The following AGBL4 variants were observed in gnomAD, a reference collection of about 807,000 sequenced individuals.
AGBL4 encodes the protein AGBL carboxypeptidase 4.
In AGBL4, 58 loss-of-function variants were observed where a neutral mutation model predicts 66.4. The ratio of observed to expected loss-of-function variants is 0.87; its 90% CI spans 0.71 to 1.09. AGBL4 has a LOEUF of 1.09. Ranked by LOEUF, AGBL4 falls within the 50% of genes least tolerant of loss-of-function variation. The probability of loss-of-function intolerance (pLI) is 0.00; values close to 1 mark genes in which losing one functional copy is unlikely to be tolerated. For synonymous variants in AGBL4, 234 were observed against 222.9 expected (o/e 1.05, Z -0.44); for missense variants, 579 against 631.0 (o/e 0.92, Z 0.88).
At chr1:48,527,790 C>CAGG in the AGBL4 span, among the ~76,000 whole-genome samples, 5 of 152,002 alleles carry the variant, frequency 3.3e-5, no homozygotes, top group Admixed American at 3.3e-4. Context: ...AGAGAACAAG[C>CAGG]AGGAATAACC....
intron 4 of AGBL4, among the ~76,000 whole-genome samples, chr1:49,194,738 T>C (rs189350389): frequency 6.6e-6 from 1 of 152,310 alleles, no homozygotes; most frequent in Admixed American, 6.5e-5. Flanking sequence ...CACAGTTTAC[T>C]TTTTTGTGGA....
intron 3 of AGBL4, among the ~76,000 whole-genome samples, chr1:49,680,413 G>T (rs1646670201): frequency 6.7e-6 from 1 of 148,170 alleles, no homozygotes; most frequent in Admixed American, 6.7e-5. Flanking sequence ...TTGCTGTATG[G>T]CAACAATTTT....
At chr1:49,958,622 C>A (rs1656841831) in intron 1 of AGBL4, among the ~76,000 whole-genome samples, 1 of 143,870 alleles carries the variant, frequency 7.0e-6, no homozygotes, top group Non-Finnish European at 1.5e-5. Flanking sequence ...CATGTTCTCA[C>A]TCATAGGTGG....
Position 49,365,421 on chromosome 1 carries a change from A to G in AGBL4, c.283-119557T>C, listed in dbSNP as rs565783066. Among the ~76,000 whole-genome samples the G allele has an allele frequency of 7.9e-5, 12 of 152,080 alleles. No homozygotes were observed. In the East Asian group the frequency reaches 2.1e-3, roughly 27 times the overall value. On this transcript the variant is annotated intron_variant, in intron 3 of 13. Transcript: ENST00000371839. Reference sequence around the variant, plus strand: ...TTATGGAGTCAATGAGAAAACGTCTATAAAGAACCCATTATAATACCTGGC... The same window carrying G: ...TTATGGAGTCAATGAGAAAACGTCTGTAAAGAACCCATTATAATACCTGGC...
intron 2 of AGBL4, among the ~76,000 whole-genome samples, chr1:49,703,144 T>G (rs1476173349): frequency 6.6e-6 from 1 of 151,926 alleles, no homozygotes; most frequent in Non-Finnish European, 1.5e-5. Context: ...ATAAAATTAT[T>G]TCTATTTGCA....
chr1:49,314,399 A>G (rs1165079880), intron 3 of AGBL4, among the ~76,000 whole-genome samples: 3 of 151,886 alleles, frequency 2.0e-5, no homozygotes, highest in Non-Finnish European at 2.9e-5. Context: ...ATCCCCCAAG[A>G]GGCCATGGTG....
At chr1:48,697,813 T>C (rs77882157) in intron 6 of AGBL4, among the ~76,000 whole-genome samples, 3,391 of 152,254 alleles carry the variant, frequency 0.022, 107 homozygotes, top group African/African-American at 0.075. Context: ...TTAAAGAAGT[T>C]TGGGCAAATG....
chr1:48,911,461 A>T (rs1185225532), intron 5 of AGBL4, among the ~76,000 whole-genome samples: 7 of 151,950 alleles, frequency 4.6e-5, no homozygotes, highest in Non-Finnish European at 8.8e-5. Flanking sequence ...ACTAAAAAAA[A>T]TACAAAAAAT....
intron 1 of AGBL4, chr1:49,866,051 G>C (rs1646692579): frequency 1.3e-5 from 3 of 223,904 alleles, no homozygotes; most frequent in South Asian, 1.2e-4. Flanking sequence ...AGGGAGACAA[G>C]ATTAGAGAAA....
At chr1:49,705,143 T>C (rs1647184311) in intron 2 of AGBL4, among the ~76,000 whole-genome samples, 1 of 152,166 alleles carries the variant, frequency 6.6e-6, no homozygotes, top group Admixed American at 6.6e-5. Context: ...GTCCTTCACA[T>C]CCCTTGTAAG....
chr1:48,766,939 CA>C (rs2148678066), intron 6 of AGBL4, among the ~76,000 whole-genome samples: 1 of 152,254 alleles, frequency 6.6e-6, no homozygotes, highest in Admixed American at 6.5e-5. Flanking sequence ...AGAACCCAAC[CA>C]AAATGCAAGG....
intron 5 of AGBL4, among the ~76,000 whole-genome samples, chr1:48,875,794 G>A (rs1316819259): frequency 1.3e-5 from 2 of 152,220 alleles, no homozygotes; most frequent in Non-Finnish European, 2.9e-5. Flanking sequence ...CTTCACAACA[G>A]CCGTTTGAGG....
intron 3 of AGBL4, among the ~76,000 whole-genome samples, chr1:49,339,625 G>A (rs1434497653): frequency 6.6e-6 from 1 of 152,208 alleles, no homozygotes; most frequent in African/African-American, 2.4e-5. Flanking sequence ...ATCATTTAGT[G>A]CTGATGTTTC....
intron 4 of AGBL4, among the ~76,000 whole-genome samples, chr1:49,073,517 G>C (rs1489343819): frequency 6.6e-6 from 1 of 152,152 alleles, no homozygotes; most frequent in Non-Finnish European, 1.5e-5. Flanking sequence ...CTCAGCTGCA[G>C]GTCTGTTGGA....
chr1:48,607,287 T>C (rs1645167876), intron 9 of AGBL4, among the ~76,000 whole-genome samples: 1 of 152,174 alleles, frequency 6.6e-6, no homozygotes, highest in Non-Finnish European at 1.5e-5. Flanking sequence ...GCCACTGTGA[T>C]AGACAACGCA....
intron 3 of AGBL4, among the ~76,000 whole-genome samples, chr1:49,573,312 T>G (rs1293598345): frequency 1.3e-5 from 2 of 151,992 alleles, no homozygotes; most frequent in African/African-American, 4.8e-5. Context: ...TTTCTGGAAT[T>G]GGCTGCTTAA....
intron 5 of AGBL4, among the ~76,000 whole-genome samples, chr1:48,932,633 C>T (rs1655123837): frequency 6.6e-6 from 1 of 152,156 alleles, no homozygotes; most frequent in African/African-American, 2.4e-5. Context: ...TGAAGCATCT[C>T]ATAAATTGTT....
At chr1:49,714,715 T>C (rs1378762823) in intron 2 of AGBL4, among the ~76,000 whole-genome samples, 1 of 151,772 alleles carries the variant, frequency 6.6e-6, no homozygotes, top group Non-Finnish European at 1.5e-5. Flanking sequence ...TTTGCTATTG[T>C]AAATAATGCT....
chr1:49,878,075 G>A lies in AGBL4; in HGVS notation c.35-26557C>T, dbSNP rs1442098288. Among the ~76,000 whole-genome samples, 78 of 149,644 alleles carry A rather than the reference G, an allele frequency of 5.2e-4. No individual in the cohort carries two copies. In the South Asian group the frequency reaches 8.9e-3, roughly 17 times the overall value. On this transcript the variant is annotated intron_variant, in intron 1 of 13. Coordinates refer to ENST00000371839, the MANE Select transcript of AGBL4 (RefSeq NM_032785.4). ...TTTCTTCTTTATTAGTCTTGCTAGC[G>A]GTCTATCAATTTTGTTGATCCTTTC...
Sources: allele counts gnomAD v4.1 joint callset (sites outside exome capture counted in the v4.1 genomes callset), GRCh38; gene constraint gnomAD v4.1.1; transcripts MANE v1.5; gene names NCBI Gene and HGNC (gene_info 2026-07-23, HGNC 2026-07-21).